The following IPO5 variants were observed in gnomAD, a reference collection of about 807,000 sequenced individuals.
IPO5 encodes importin-5.
IPO5 carries 18 observed loss-of-function variants against 143.3 expected under a neutral mutation model. The observed-to-expected ratio is 0.13, with a 90% CI of 0.09 to 0.19. The LOEUF (loss-of-function observed/expected upper bound fraction) is 0.19, where lower values mean the gene tolerates loss of function less well. Ranked by LOEUF, IPO5 falls within the 10% of genes least tolerant of loss-of-function variation. IPO5 has a pLI of 1.00. For synonymous variants in IPO5, 477 were observed against 465.7 expected (o/e 1.02, Z -0.31); for missense variants, 1,013 against 1,336.9 (o/e 0.76, Z 3.78).
At chr13:97,978,498 T>G (rs943219698) in intron 4 of IPO5, among the ~76,000 whole-genome samples, 39 of 152,190 alleles carry the variant, frequency 2.6e-4, no homozygotes, top group African/African-American at 9.2e-4. Flanking sequence ...TGTAGAATAC[T>G]GAAAAGTAGC....
intron 6 of IPO5, chr13:97,986,906 G>A (rs539626563): frequency 1.3e-5 from 2 of 152,384 alleles, no homozygotes; most frequent in South Asian, 4.1e-4. Flanking sequence ...CAGAAGCTCT[G>A]ATACATTGAG....
At chr13:97,974,157 T>C (rs1277743796) in intron 3 of IPO5, among the ~76,000 whole-genome samples, 1 of 152,196 alleles carries the variant, frequency 6.6e-6, no homozygotes, top group Non-Finnish European at 1.5e-5. Context: ...CAAATATATG[T>C]AACCTACAGA....
intron 2 of IPO5, among the ~76,000 whole-genome samples, chr13:97,969,506 G>A (rs959268707): frequency 6.6e-6 from 1 of 151,772 alleles, no homozygotes; most frequent in Admixed American, 6.6e-5. Flanking sequence ...TTTTATTTCA[G>A]GTATTAAAAT....
At chr13:97,965,765 G>A (rs1885278089) in intron 2 of IPO5, among the ~76,000 whole-genome samples, 1 of 151,134 alleles carries the variant, frequency 6.6e-6, no homozygotes, top group Admixed American at 6.6e-5. Context: ...TTGTGTGTGT[G>A]TGTGTGTGTG....
chr13:98,021,928 G>A lies in IPO5; in HGVS notation c.*106G>A. On this transcript the variant is annotated 3_prime_UTR_variant, in exon 29 of 29. Coordinates refer to ENST00000651721, the MANE Select transcript of IPO5 (RefSeq NM_002271.6). Reference sequence around the variant, plus strand: ...GAGCAAAAGAGATCGGTAGTGTTGTGTGTAGGCCATTCTTCTGGAGAGCCA... The same window carrying A: ...GAGCAAAAGAGATCGGTAGTGTTGTATGTAGGCCATTCTTCTGGAGAGCCA... 1 of 619,064 alleles carries A rather than the reference G, an allele frequency of 1.6e-6. No individual in the cohort carries two copies. Among genetic ancestry groups the A allele is most frequent in the Non-Finnish European group, 2.7e-6 (1 of 373,338 alleles). The allele number at this position is 619,064 out of a possible 1,614,324, so 38.3% of individuals were successfully genotyped here.
chr13:97,975,937 C>T (rs1236403434), intron 3 of IPO5: 1 of 985,538 alleles, frequency 1.0e-6, no homozygotes, highest in African/African-American at 1.7e-5. Flanking sequence ...AAGGGGCGCC[C>T]TGAGTCCACA....
intron 4 of IPO5, chr13:97,979,758 C>G: frequency 2.5e-6 from 1 of 393,650 alleles, no homozygotes; most frequent in Non-Finnish European, 5.1e-6. Flanking sequence ...TCTTGAACTC[C>G]TGGCCTCAAG....
At chr13:97,987,941 C>T (rs1887505184) in intron 6 of IPO5, 1 of 259,672 alleles carries the variant, frequency 3.9e-6, no homozygotes, top group Non-Finnish European at 8.5e-6. Flanking sequence ...ATTCAAAGTG[C>T]TCTCATAGAT....
chr13:97,986,256 GCCAGTTGAACTAAAAATCAGAGACT>G (rs1465561935), intron 6 of IPO5, among the ~76,000 whole-genome samples: 3 of 152,078 alleles, frequency 2.0e-5, no homozygotes. Context: ...CATTAAACTT[GCCAGTTGAACTAAAAATCAGAGACT>G]CCAGTGCTTT....
intron 2 of IPO5, among the ~76,000 whole-genome samples, chr13:97,955,753 G>C (rs1021100583): frequency 6.6e-6 from 1 of 152,110 alleles, no homozygotes; most frequent in Non-Finnish European, 1.5e-5. Context: ...CTAGTTAAGG[G>C]GGAAGCTGCA....
intron 16 of IPO5, among the ~76,000 whole-genome samples, chr13:98,004,270 G>A (rs1279816725): frequency 1.3e-5 from 2 of 152,178 alleles, no homozygotes; most frequent in Admixed American, 1.3e-4. Flanking sequence ...ACTGGCAATT[G>A]GTCAGAGAGC....
intron 4 of IPO5, among the ~76,000 whole-genome samples, chr13:97,980,683 C>T (rs1236130308): frequency 6.6e-6 from 1 of 151,560 alleles, no homozygotes; most frequent in Admixed American, 6.6e-5. Context: ...AAAAATTAGC[C>T]GGGCGCGGTG....
rs747149763 is a variant in IPO5, at chr13:98,021,739, T to A, written c.3211T>A (p.Ser1071Thr). The A allele has an allele frequency of 1.0e-5, 16 of 1,542,612 alleles. No individual in the cohort carries two copies. Among genetic ancestry groups the A allele is most frequent in the Non-Finnish European group, 1.4e-5 (16 of 1,131,268 alleles). The change falls in exon 29 of 29, where the codon TCT (serine) becomes ACT (threonine). Residue 1071 changes from serine to threonine, a missense_variant. This residue lies in a region of IPO5 where 685 missense variants were observed against 994.9 expected (regional missense o/e 0.69). Coordinates refer to ENST00000651721, the MANE Select transcript of IPO5 (RefSeq NM_002271.6). The stretch of plus-strand genomic sequence containing the variant: ...GTGAAAATGTTTCTTTCCCTAGACT[T>A]CTGGAGGACTGTGGACTGAGTGCAT... ...LANVVRQVQT[S>T]GGLWTECIAQ...
intron 27 of IPO5, 122 bp from the exon 28 acceptor site, chr13:98,020,870 T>G: frequency 1.4e-6 from 1 of 695,200 alleles, no homozygotes; most frequent in South Asian, 1.9e-5. Context: ...ACTAAAGAGT[T>G]CATATATAAG....
intron 4 of IPO5, chr13:97,981,277 A>G: frequency 2.2e-6 from 1 of 456,110 alleles, no homozygotes; most frequent in Non-Finnish European, 4.4e-6. Context: ...CCTGTGTAGC[A>G]CTGCATAAAT....
In IPO5 at chr13:98,002,984, T is replaced by C; in HGVS notation, c.1444T>C (p.Leu482=). 6.2e-7 allele frequency: 1 copy of C among 1,613,996 alleles called. No homozygotes were observed. Among genetic ancestry groups the C allele is most frequent in the Non-Finnish European group, 8.5e-7 (1 of 1,179,892 alleles). Reference sequence around the variant, plus strand: ...TCCCAAGTCACTACTTATTCCATACTTGGATAATTTGGTGAAACATCTGCA... The same window carrying C: ...TCCCAAGTCACTACTTATTCCATACCTGGATAATTTGGTGAAACATCTGCA... The part of the protein sequence containing the change: ...DCPKSLLIPY[L]DNLVKHLHSI... The change falls in exon 16 of 29, where the codon TTG becomes CTG. Residue 482 remains leucine, a synonymous_variant. Transcript: ENST00000651721.
intron 3 of IPO5, among the ~76,000 whole-genome samples, chr13:97,971,294 T>TA (rs1370550439): frequency 6.6e-6 from 1 of 152,234 alleles, no homozygotes; most frequent in Non-Finnish European, 1.5e-5. Context: ...TCAGGATTGT[T>TA]AGGGTCCCAC....
intron 3 of IPO5, among the ~76,000 whole-genome samples, chr13:97,974,370 G>T (rs998678769): frequency 2.0e-5 from 3 of 150,126 alleles, no homozygotes; most frequent in South Asian, 4.2e-4. Flanking sequence ...GCAATGGCAC[G>T]ATCTCGGCTC....
intron 6 of IPO5, among the ~76,000 whole-genome samples, chr13:97,988,415 G>T (rs1408501537): frequency 2.0e-5 from 3 of 152,118 alleles, no homozygotes; most frequent in Non-Finnish European, 4.4e-5. Context: ...AATAGCAATG[G>T]TATATATAAA....
Sources: allele counts gnomAD v4.1 joint callset (sites outside exome capture counted in the v4.1 genomes callset), GRCh38; gene constraint gnomAD v4.1.1; regional missense constraint gnomAD v4.1.1; transcripts MANE v1.5; gene names NCBI Gene and HGNC (gene_info 2026-07-23, HGNC 2026-07-21).